Variants in RPRD2 observed in about 807,000 individuals in gnomAD.
The protein encoded by RPRD2 is regulation of nuclear pre-mRNA domain containing 2.
In RPRD2, 12 loss-of-function variants were observed where a neutral mutation model predicts 104.4. That is an observed-to-expected ratio of 0.11 (90% CI 0.07 to 0.19). The LOEUF is 0.19. Ranked by LOEUF, RPRD2 falls within the 10% of genes least tolerant of loss-of-function variation. The probability of loss-of-function intolerance (pLI) is 1.00; values close to 1 mark genes in which losing one functional copy is unlikely to be tolerated. For missense variants in RPRD2, 1,543 were observed against 1,790.1 expected (o/e 0.86, Z 2.49); for synonymous variants, 714 against 684.9 (o/e 1.04, Z -0.66).
chr1:150,445,514 A>T (rs1553895343), intron 6 of RPRD2, among the ~76,000 whole-genome samples: 3 of 152,228 alleles, frequency 2.0e-5, no homozygotes, highest in Non-Finnish European at 4.4e-5. Flanking sequence ...TTTAAGAGAT[A>T]ACATCTTACT....
rs1553899473 is a variant in RPRD2 at position 150,464,558 on chromosome 1, A to C, written c.1443A>C (p.Gly481=). 3.1e-6 allele frequency: 5 copies of C among 1,604,196 alleles called. No homozygotes were observed. The highest frequency in any genetic ancestry group is 4.3e-6 in the Non-Finnish European group (5 of 1,175,204). ...GTCCTGCATCAAGACCTTCTCCAGG[A>C]ACGCCCACCAGCCCCAGCAACCTCA... ...GVSPASRPSP[G]TPTSPSNLTS... The change falls in exon 10 of 11, where the codon GGA becomes GGC. Residue 481 remains glycine (G), a synonymous_variant. Transcript: ENST00000369068.
At chr1:150,416,647 A>T (rs1553888598) in intron 1 of RPRD2, among the ~76,000 whole-genome samples, 1 of 152,090 alleles carries the variant, frequency 6.6e-6, no homozygotes, top group East Asian at 1.9e-4. Flanking sequence ...AAGCAGGCAG[A>T]TCACCTGAAG....
intron 1 of RPRD2, among the ~76,000 whole-genome samples, chr1:150,392,436 C>T (rs587735062): frequency 2.0e-3 from 306 of 152,158 alleles, no homozygotes; most frequent in Middle Eastern, 6.8e-3. Context: ...ACCCAGGAGG[C>T]GAAGGCTGCA....
Position 150,471,426 on chromosome 1 carries a change from T to C in RPRD2, c.2478T>C (p.Ser826=). 6.2e-7 allele frequency: 1 copy of C among 1,613,978 alleles called. No individual in the cohort carries two copies. The highest frequency in any genetic ancestry group is 8.5e-7 in the Non-Finnish European group (1 of 1,179,900). The change falls in exon 11 of 11, where the codon TCT becomes TCC. Residue 826 remains serine, a synonymous_variant. Coordinates refer to ENST00000369068, the MANE Select transcript of RPRD2 (RefSeq NM_015203.5). The surrounding 1 kb of genome is among the most constrained non-coding windows in gnomAD (Gnocchi z 5.3). ...SSQEKFYPDT[S]FQEDEDYRDF... Reference sequence around the variant, plus strand: ...AGGAAAAGTTCTACCCAGATACTTCTTTCCAAGAAGATGAGGATTACCGAG... The same window carrying C: ...AGGAAAAGTTCTACCCAGATACTTCCTTCCAAGAAGATGAGGATTACCGAG...
At chr1:150,422,635 T>C (rs1448672681) in intron 2 of RPRD2, among the ~76,000 whole-genome samples, 6 of 152,116 alleles carry the variant, frequency 3.9e-5, no homozygotes, top group African/African-American at 1.4e-4. Context: ...GCCAAACTTT[T>C]CTCGCTTTTA....
chr1:150,472,238 G>T lies in RPRD2; in HGVS notation c.3290G>T (p.Arg1097Met). The T allele has an allele frequency of 3.7e-6, 6 of 1,613,982 alleles. No individual in the cohort carries two copies. Among genetic ancestry groups the T allele is most frequent in the Non-Finnish European group, 5.1e-6 (6 of 1,179,876 alleles). The change falls in exon 11 of 11, where the codon AGG becomes ATG. Residue 1097 changes from arginine (R) to methionine (M), a missense_variant. By Grantham distance (91) the Arg-to-Met change is moderately conservative. Transcript: ENST00000369068. ...GGTTATCACAGTGCATCCAATAGGA[G>T]GATGTCAGGGGAGCCGATCCAGACC... The part of the protein sequence containing the change: ...TLGYHSASNR[R>M]MSGEPIQTVE...
At chr1:150,435,997 T>C (rs1553892999) in intron 2 of RPRD2, among the ~76,000 whole-genome samples, 1 of 152,150 alleles carries the variant, frequency 6.6e-6, no homozygotes, top group East Asian at 1.9e-4. Flanking sequence ...CCTAGGGCTG[T>C]TAAAAATTAT....
At chr1:150,384,010 A>G (rs1553881301) in intron 1 of RPRD2, among the ~76,000 whole-genome samples, 1 of 152,216 alleles carries the variant, frequency 6.6e-6, no homozygotes, top group African/African-American at 2.4e-5. Context: ...GTCAAAGTTT[A>G]GGAACTACCA....
chr1:150,430,264 A>G lies in RPRD2; in HGVS notation c.336-10659A>G, dbSNP rs587654450. ...GGAATAACAAAATGAACAACAGGTA[A>G]GATATTTGGACAGATGGAAAAAAAT... is the stretch of plus-strand genomic sequence containing the variant. On this transcript the variant is annotated intron_variant, in intron 2 of 10. Transcript: ENST00000369068. Among the ~76,000 whole-genome samples the G allele has an allele frequency of 2.0e-5, 3 of 152,316 alleles. No individual in the cohort carries two copies. The South Asian group carries it at 6.2e-4, about 32-fold the overall frequency.
chr1:150,446,942 T>A (rs1553895643), intron 7 of RPRD2, among the ~76,000 whole-genome samples: 3 of 151,168 alleles, frequency 2.0e-5, no homozygotes, highest in Non-Finnish European at 4.4e-5. Context: ...TTCAAGCGAT[T>A]CTCCTGCCTT....
intron 1 of RPRD2, among the ~76,000 whole-genome samples, chr1:150,401,125 C>T (rs907568716): frequency 6.6e-6 from 1 of 151,746 alleles, no homozygotes; most frequent in African/African-American, 2.4e-5. Flanking sequence ...TGCAGTGAGC[C>T]GAGATCACGC....
At chr1:150,452,543 G>T (rs1553896839) in intron 7 of RPRD2, among the ~76,000 whole-genome samples, 1 of 151,966 alleles carries the variant, frequency 6.6e-6, no homozygotes, top group African/African-American at 2.4e-5. Flanking sequence ...TATATGAATG[G>T]ACTTGAATCC....
intron 10 of RPRD2, among the ~76,000 whole-genome samples, chr1:150,469,450 A>C (rs947475576): frequency 6.6e-6 from 1 of 151,840 alleles, no homozygotes; most frequent in Non-Finnish European, 1.5e-5. Flanking sequence ...CTGATTTTTA[A>C]ATTTTTTTTA....
chr1:150,375,423 G>GA (rs757783320), intron 1 of RPRD2, among the ~76,000 whole-genome samples: 42 of 152,268 alleles, frequency 2.8e-4, no homozygotes, highest in Non-Finnish European at 4.9e-4. Context: ...AATAGCAGTG[G>GA]AAAAACACTA....
At chr1:150,441,078 C>A in intron 3 of RPRD2, 55 bp downstream of exon 3, 2 of 845,560 alleles carry the variant, frequency 2.4e-6, no homozygotes, top group African/African-American at 1.7e-5. Context: ...TTTACAATTA[C>A]ATAATTTTAT....
chr1:150,404,527 G>C (rs1663311654), intron 1 of RPRD2, among the ~76,000 whole-genome samples: 1 of 152,102 alleles, frequency 6.6e-6, no homozygotes, highest in Non-Finnish European at 1.5e-5. Flanking sequence ...TAGGATTACA[G>C]GTGTGAGCCA....
chr1:150,444,791 C>A (rs1157454409), intron 6 of RPRD2, among the ~76,000 whole-genome samples: 6 of 152,084 alleles, frequency 3.9e-5, no homozygotes, highest in Admixed American at 3.9e-4. Context: ...ACCCTGGCAC[C>A]TAGAACAATG....
rs191549293 is a variant in RPRD2, at chr1:150,369,353, G to A, written c.205+4434G>A. Among the ~76,000 whole-genome samples, 92 of 150,614 alleles carry A rather than the reference G, an allele frequency of 6.1e-4. 1 individual carries two copies. In the East Asian group the frequency reaches 0.014, roughly 23 times the overall value. On this transcript the variant is annotated intron_variant, in intron 1 of 10. Transcript: ENST00000369068. ...GGCTGGAGTGCAGGGCATGATCTCC[G>A]CTCACTGCAACCTCCGCCTCCTGGG...
intron 1 of RPRD2, among the ~76,000 whole-genome samples, chr1:150,372,157 A>G (rs116046890): frequency 0.016 from 2,453 of 152,284 alleles, 54 homozygotes; most frequent in African/African-American, 0.055. Context: ...AATTAGTAAT[A>G]CAGGTGGGTA....
Sources: allele counts gnomAD v4.1 joint callset (sites outside exome capture counted in the v4.1 genomes callset), GRCh38; gene constraint gnomAD v4.1.1; non-coding constraint Gnocchi (gnomAD v3.1); transcripts MANE v1.5; gene names NCBI Gene and HGNC (gene_info 2026-07-23, HGNC 2026-07-21).